The following CAMTA1 variants were observed in gnomAD, a reference collection of about 807,000 sequenced individuals.
CAMTA1 encodes the protein calmodulin-binding transcription activator 1.
Under a neutral mutation model 170.9 loss-of-function variants are expected in CAMTA1, and 27 were observed. The observed-to-expected ratio is 0.16, with a 90% confidence interval of 0.12 to 0.22. CAMTA1 has a LOEUF of 0.22. CAMTA1 is among the 10% of genes least tolerant of loss of function. The pLI is 1.00. For missense variants in CAMTA1, 1,619 were observed against 2,217.2 expected, an observed-to-expected ratio of 0.73 and a Z score of 5.42; for synonymous variants, 833 against 891.5, an observed-to-expected ratio of 0.93 and a Z score of 1.17.
chr1:6,999,930 C>T (rs1223047538), intron 3 of CAMTA1, among the ~76,000 whole-genome samples: 2 of 152,200 alleles, frequency 1.3e-5, no homozygotes, highest in African/African-American at 4.8e-5. Flanking sequence ...CTGACCCTGA[C>T]AGGTTCTTTT....
chr1:7,238,003 A>G (rs940958048), intron 4 of CAMTA1, among the ~76,000 whole-genome samples: 1 of 152,250 alleles, frequency 6.6e-6, no homozygotes, highest in African/African-American at 2.4e-5. Context: ...GCTAAAATTT[A>G]AGATACAACC....
chr1:7,110,001 G>A (rs1348396416), intron 4 of CAMTA1, among the ~76,000 whole-genome samples: 4 of 152,148 alleles, frequency 2.6e-5, no homozygotes, highest in African/African-American at 4.8e-5. Flanking sequence ...ATGGTGAGCC[G>A]GGAAGTGAGC....
rs1573163674 is a variant in CAMTA1 at position 7,113,227 on chromosome 1, C to A, written c.302+21856C>A. Reference sequence around the variant, plus strand: ...AGACAGAGGCTGGATCAACAAGAGGCCCCAGGACCTAGACAGCACCCTGGG... The same window carrying A: ...AGACAGAGGCTGGATCAACAAGAGGACCCAGGACCTAGACAGCACCCTGGG... On this transcript the variant is annotated intron_variant, in intron 4 of 22. Coordinates refer to ENST00000303635, the MANE Select transcript of CAMTA1 (RefSeq NM_015215.4). The surrounding 1 kb of genome is among the most constrained non-coding windows in gnomAD (Gnocchi z 4.5). Among the ~76,000 whole-genome samples the A allele has an allele frequency of 6.6e-6, 1 of 152,218 alleles. No homozygotes were observed. The highest frequency in any genetic ancestry group is 1.5e-5 in the Non-Finnish European group (1 of 68,036).
At chr1:6,864,139 A>G (rs1311229557) in intron 3 of CAMTA1, among the ~76,000 whole-genome samples, 3 of 152,132 alleles carry the variant, frequency 2.0e-5, no homozygotes, top group African/African-American at 7.2e-5. Context: ...CACCTGGCTG[A>G]GGTAGTGTTT....
At chr1:7,600,531 C>T (rs969270432) in intron 6 of CAMTA1, among the ~76,000 whole-genome samples, 3 of 149,440 alleles carry the variant, frequency 2.0e-5, no homozygotes, top group African/African-American at 7.4e-5. Flanking sequence ...GTGTTTCTCG[C>T]AGAGGGGGAT....
intron 4 of CAMTA1, among the ~76,000 whole-genome samples, chr1:7,214,696 T>A (rs954444101): frequency 9.8e-5 from 15 of 152,322 alleles, no homozygotes; most frequent in Admixed American, 7.8e-4. Context: ...AAGTCTACTT[T>A]ACCCATTTTT....
At chr1:7,754,584 T>C (rs990041433) in intron 21 of CAMTA1, among the ~76,000 whole-genome samples, 43 of 152,342 alleles carry the variant, frequency 2.8e-4, no homozygotes, top group African/African-American at 9.1e-4. Context: ...GAGTTCTCTT[T>C]CTGTAAACTG....
intron 1 of CAMTA1, among the ~76,000 whole-genome samples, chr1:6,789,068 C>T (rs994484681): frequency 6.6e-6 from 1 of 152,180 alleles, no homozygotes; most frequent in African/African-American, 2.4e-5. Context: ...CCTTTGTCTT[C>T]TTGGAAACCT....
intron 6 of CAMTA1, among the ~76,000 whole-genome samples, chr1:7,574,388 G>A (rs1401025815): frequency 1.3e-5 from 2 of 152,234 alleles, no homozygotes; most frequent in East Asian, 3.9e-4. Context: ...GGGAGCCCTG[G>A]CAAGTGAGCT....
chr1:7,219,970 C>T (rs1308589156), intron 4 of CAMTA1, among the ~76,000 whole-genome samples: 1 of 152,218 alleles, frequency 6.6e-6, no homozygotes, highest in African/African-American at 2.4e-5. Context: ...GGAAGGGAGC[C>T]CTCACCAAGA....
At position 7,249,428 on chromosome 1, in the gene CAMTA1, C is replaced by A. The variant is rs191384868; in HGVS notation, c.303-63C>A. ...AGAGACTTTTACTGGTCGATGATAT[C>A]TTTCTTCATAAATTTTTCTTCTACT... On this transcript the variant is annotated intron_variant, in intron 4 of 22. Coordinates refer to ENST00000303635, the MANE Select transcript of CAMTA1 (RefSeq NM_015215.4). The surrounding 1 kb of genome is among the most constrained non-coding windows in gnomAD (Gnocchi z 4.4). The A allele has an allele frequency of 6.1e-6, 9 of 1,470,704 alleles. No homozygotes were observed. Among genetic ancestry groups the A allele is most frequent in the Admixed American group, 3.9e-5 (2 of 51,260 alleles). The allele number at this position is 1,470,704 out of a possible 1,614,324, so 91.1% of individuals were successfully genotyped here.
At chr1:7,055,407 C>G (rs1416234283) in intron 3 of CAMTA1, among the ~76,000 whole-genome samples, 1 of 152,164 alleles carries the variant, frequency 6.6e-6, no homozygotes, top group African/African-American at 2.4e-5. Context: ...GTGGCTCCAG[C>G]CTGACTTAGC....
chr1:7,752,195 T>A (rs373313617), intron 20 of CAMTA1, among the ~76,000 whole-genome samples: 3 of 152,212 alleles, frequency 2.0e-5, no homozygotes, highest in African/African-American at 7.2e-5. Context: ...TTAAGTGACA[T>A]TTTATTTTCA....
Position 7,179,475 on chromosome 1 carries a change from G to C in CAMTA1, c.303-70016G>C, listed in dbSNP as rs138115697. Among the ~76,000 whole-genome samples the C allele has an allele frequency of 9.9e-5, 15 of 152,284 alleles. No homozygotes were observed. In the East Asian group the frequency reaches 2.9e-3, roughly 29 times the overall value. On this transcript the variant is annotated intron_variant, in intron 4 of 22. Coordinates refer to ENST00000303635, the MANE Select transcript of CAMTA1 (RefSeq NM_015215.4). ...TATACTTTCTTCTCAGGTATACATG[G>C]AGCATTTACAAACAGTTATATATTA...
intron 3 of CAMTA1, among the ~76,000 whole-genome samples, chr1:7,082,100 A>C (rs1446091956): frequency 6.6e-6 from 1 of 152,136 alleles, no homozygotes. Flanking sequence ...GTCTCCAATC[A>C]GCGGCCTCTT....
intron 3 of CAMTA1, among the ~76,000 whole-genome samples, chr1:7,002,308 A>T (rs1698338056): frequency 6.6e-6 from 1 of 152,172 alleles, no homozygotes. Flanking sequence ...ACTGTGGGAT[A>T]CGGGAGTCAG....
intron 3 of CAMTA1, among the ~76,000 whole-genome samples, chr1:6,960,647 C>T (rs949786348): frequency 2.0e-4 from 31 of 152,192 alleles, no homozygotes; most frequent in Admixed American, 1.6e-3. Context: ...ACATCGGACA[C>T]GGATTTATGT....
At chr1:7,238,020 T>G (rs975226163) in intron 4 of CAMTA1, among the ~76,000 whole-genome samples, 4 of 152,248 alleles carry the variant, frequency 2.6e-5, no homozygotes, top group Non-Finnish European at 5.9e-5. Flanking sequence ...AACCTAGATC[T>G]CACTCCAAAT....
rs1038498163 is a variant in CAMTA1, at chr1:7,052,218, C to G, written c.235-39086C>G. Among the ~76,000 whole-genome samples, 3 of 152,134 alleles carry G rather than the reference C, an allele frequency of 2.0e-5. No homozygotes were observed. The East Asian group carries it at 5.8e-4, about 29-fold the overall frequency. ...TGGGCCCTGGGGCCATTCTTTTTTG[C>G]TCCCTGATGGTCGCTGGCGGGTTCT... On this transcript the variant is annotated intron_variant, in intron 3 of 22. Coordinates refer to ENST00000303635, the MANE Select transcript of CAMTA1 (RefSeq NM_015215.4).
Sources: gnomAD v4.1 joint callset for allele counts (sites outside exome capture counted in the v4.1 genomes callset) on GRCh38, gnomAD v4.1.1 for gene constraint, Gnocchi (gnomAD v3.1) non-coding constraint, MANE v1.5 for transcripts, NCBI Gene and HGNC (gene_info 2026-07-23, HGNC 2026-07-21) for gene names.